Variants in RASGEF1A observed in about 807,000 individuals in gnomAD.
The protein encoded by RASGEF1A is ras-GEF domain-containing family member 1A.
In RASGEF1A, 18 loss-of-function variants were observed where a neutral mutation model predicts 56.4. The ratio of observed to expected loss-of-function variants is 0.32; its 90% CI spans 0.22 to 0.47. The LOEUF (loss-of-function observed/expected upper bound fraction) is 0.47, where lower values mean the gene tolerates loss of function less well. RASGEF1A is among the 20% of genes least tolerant of loss of function. The pLI is 1.00. For missense variants in RASGEF1A, 422 were observed against 627.1 expected, an observed-to-expected ratio of 0.67 and a Z score of 3.49; for synonymous variants, 245 against 242.6, an observed-to-expected ratio of 1.01 and a Z score of -0.09.
At chr10:43,252,603 A>T (rs1840639528) in intron 1 of RASGEF1A, among the ~76,000 whole-genome samples, 1 of 152,048 alleles carries the variant, frequency 6.6e-6, no homozygotes, top group East Asian at 1.9e-4. Context: ...CCAGGAAGGG[A>T]GGGGACGTGA....
chr10:43,200,832 G>A lies in RASGEF1A; in HGVS notation c.516C>T (p.Ser172=). 1 of 1,614,052 alleles carries A rather than the reference G, an allele frequency of 6.2e-7. No homozygotes were observed. ...CCTGGAGCTGGCTCCGGGCAGCCAA[G>A]GACAGCAACAGGCTCTGTGTCATCT... The part of the protein sequence containing the change: ...IAQMTQSLLL[S]LAARSQLQEL... Residue 172 remains serine (S), a synonymous_variant, in exon 5 of 13, where the codon TCC becomes TCT. Coordinates refer to ENST00000395810, the MANE Select transcript of RASGEF1A (RefSeq NM_145313.4).
At position 43,195,891 on chromosome 10, in the gene RASGEF1A, T is replaced by G; in HGVS notation, c.*353A>C. On this transcript the variant is annotated 3_prime_UTR_variant, in exon 13 of 13. Transcript: ENST00000395810. This position sits in a 1 kb window ranked among gnomAD's most constrained non-coding sequence, Gnocchi z 4.2. ...GGCGTCCGAGCAGGCAGGGCTCACG[T>G]TGGTTTTGGCTGGGTTTTTTAAAAT... 6.0e-6 allele frequency: 1 copy of G among 165,376 alleles called. No individual in the cohort carries two copies. The highest frequency in any genetic ancestry group is 1.3e-5 in the Non-Finnish European group (1 of 76,214). The allele number at this position is 165,376 out of a possible 1,614,324, so 10.2% of individuals were successfully genotyped here.
chr10:43,264,299 G>A (rs1047707779), intron 1 of RASGEF1A, among the ~76,000 whole-genome samples: 118 of 151,794 alleles, frequency 7.8e-4, no homozygotes, highest in African/African-American at 2.4e-3. Flanking sequence ...AAAAAGTGGC[G>A]ACAGGGATAC....
chr10:43,195,218 G>A lies in RASGEF1A; in HGVS notation c.*1026C>T, dbSNP rs1202516231. ...ACCACGAAGTCAGACATGGGAAAAT[G>A]GAGTGTGCTCCTCTAGCTGGGTGTA... On this transcript the variant is annotated 3_prime_UTR_variant, in exon 13 of 13. Transcript: ENST00000395810. The surrounding 1 kb of genome is among the most constrained non-coding windows in gnomAD (Gnocchi z 4.2). 2 of 152,328 alleles carry A rather than the reference G, an allele frequency of 1.3e-5. No individual in the cohort carries two copies. Among genetic ancestry groups the A allele is most frequent in the African/African-American group, 2.4e-5 (1 of 41,474 alleles). 9.4% of individuals were successfully genotyped at this position (152,328 alleles called of 1,614,324 possible).
chr10:43,218,997 T>C (rs939079658), intron 1 of RASGEF1A, among the ~76,000 whole-genome samples: 1 of 152,222 alleles, frequency 6.6e-6, no homozygotes. Flanking sequence ...TTCTGTCCAG[T>C]CAGCTTCTTC....
At chr10:43,264,254 A>T (rs1836585350) in intron 1 of RASGEF1A, among the ~76,000 whole-genome samples, 1 of 150,604 alleles carries the variant, frequency 6.6e-6, no homozygotes. Context: ...CCCAGAGCCC[A>T]CTCTCACATA....
intron 1 of RASGEF1A, among the ~76,000 whole-genome samples, chr10:43,214,763 A>T (rs777203406): frequency 3.9e-5 from 6 of 152,230 alleles, no homozygotes; most frequent in Non-Finnish European, 7.3e-5. Flanking sequence ...AGCAGGGATT[A>T]ACCTTCACTT....
chr10:43,195,892 T>G lies in RASGEF1A; in HGVS notation c.*352A>C. 6.0e-6 allele frequency: 1 copy of G among 166,600 alleles called. No individual in the cohort carries two copies. The highest frequency in any genetic ancestry group is 1.6e-4 in the South Asian group (1 of 6,388). 10.3% of individuals were successfully genotyped at this position (166,600 alleles called of 1,614,324 possible). ...GCGTCCGAGCAGGCAGGGCTCACGT[T>G]GGTTTTGGCTGGGTTTTTTAAAATA... On this transcript the variant is annotated 3_prime_UTR_variant, in exon 13 of 13. Coordinates refer to ENST00000395810, the MANE Select transcript of RASGEF1A (RefSeq NM_145313.4). This position sits in a 1 kb window ranked among gnomAD's most constrained non-coding sequence, Gnocchi z 4.2.
chr10:43,203,048 G>A (rs1429732246), intron 3 of RASGEF1A, among the ~76,000 whole-genome samples: 1 of 118,494 alleles, frequency 8.4e-6, no homozygotes, highest in African/African-American at 3.4e-5. Flanking sequence ...CCCCAGCTAG[G>A]CCACGCCCAA....
At chr10:43,263,805 G>A (rs1419268810) in intron 1 of RASGEF1A, among the ~76,000 whole-genome samples, 1 of 152,190 alleles carries the variant, frequency 6.6e-6, no homozygotes, top group Non-Finnish European at 1.5e-5. Flanking sequence ...TTCCTGGGAG[G>A]TGCTGCAGCA....
intron 1 of RASGEF1A, chr10:43,208,920 G>A: frequency 1.0e-6 from 1 of 985,572 alleles, no homozygotes; most frequent in Non-Finnish European, 1.2e-6. Flanking sequence ...GGTGCATCTG[G>A]CCAGCCCTCC....
At chr10:43,200,152 CA>C in intron 6 of RASGEF1A, 29 bp downstream of exon 6, 2 of 1,556,292 alleles carry the variant, frequency 1.3e-6, no homozygotes, top group Non-Finnish European at 8.7e-7. Flanking sequence ...ACAGGGCTGG[CA>C]GGGGTGCCAC....
intron 1 of RASGEF1A, chr10:43,208,627 G>A (rs1221737265): frequency 1.0e-6 from 1 of 985,526 alleles, no homozygotes; most frequent in Non-Finnish European, 1.2e-6. Flanking sequence ...GAGAGGTGGG[G>A]TGCTCTGGGT....
intron 1 of RASGEF1A, among the ~76,000 whole-genome samples, chr10:43,230,491 G>A (rs1840351690): frequency 6.6e-6 from 1 of 152,190 alleles, no homozygotes. Context: ...GGAAAGATGC[G>A]CGGAGCCGAA....
chr10:43,198,948 C>T lies in RASGEF1A; in HGVS notation c.1017G>A (p.Lys339=), dbSNP rs1839846118. Reference sequence around the variant, plus strand: ...AGGTGCCTACCTCCAAGACATCAAACTTGGCTGTCTTGACCTTGGACCAAG... The same window carrying T: ...AGGTGCCTACCTCCAAGACATCAAATTTGGCTGTCTTGACCTTGGACCAAG... ...KKTWSKVKTA[K]FDVLEHHMDP... Residue 339 remains lysine (K), a synonymous_variant, in exon 9 of 13, where the codon AAG becomes AAA. Transcript: ENST00000395810. The T allele has an allele frequency of 6.2e-7, 1 of 1,612,772 alleles. No individual in the cohort carries two copies. The highest frequency in any genetic ancestry group is 1.3e-5 in the African/African-American group (1 of 74,832).
At chr10:43,241,303 A>G (rs947652199) in intron 1 of RASGEF1A, among the ~76,000 whole-genome samples, 15 of 152,264 alleles carry the variant, frequency 9.9e-5, no homozygotes, top group African/African-American at 3.4e-4. Context: ...CTGAATTAAA[A>G]GACAACTGCA....
chr10:43,207,103 G>A, intron 1 of RASGEF1A: 1 of 985,558 alleles, frequency 1.0e-6, no homozygotes, highest in Non-Finnish European at 1.2e-6. Context: ...GTGGGGACTG[G>A]ACGATGCAGC....
At chr10:43,251,851 C>T (rs989361540) in intron 1 of RASGEF1A, among the ~76,000 whole-genome samples, 3 of 152,176 alleles carry the variant, frequency 2.0e-5, no homozygotes, top group Non-Finnish European at 4.4e-5. Flanking sequence ...GACCCCTGAC[C>T]CTCACAAGTA....
In RASGEF1A at chr10:43,196,403, G is replaced by A. The variant is rs1236713386; in HGVS notation, c.1421+73C>T. The A allele has an allele frequency of 2.6e-6, 4 of 1,559,902 alleles. No homozygotes were observed. The Admixed American group carries it at 5.0e-5, about 20-fold the overall frequency. On this transcript the variant is annotated intron_variant, in intron 12 of 12. Transcript: ENST00000395810. This position sits in a 1 kb window ranked among gnomAD's most constrained non-coding sequence, Gnocchi z 4.6. ...GGCAGTGCCCAGGCTCCCTTTCCAG[G>A]AGGGTAACCCTCGTGCCCACCCTGA...
Sources: gnomAD v4.1 joint callset for allele counts (sites outside exome capture counted in the v4.1 genomes callset) on GRCh38, gnomAD v4.1.1 for gene constraint, Gnocchi (gnomAD v3.1) non-coding constraint, MANE v1.5 for transcripts, NCBI Gene and HGNC (gene_info 2026-07-23, HGNC 2026-07-21) for gene names.